CSMD2: variants seen among roughly 807,000 people sequenced by gnomAD.
CSMD2 encodes CUB and Sushi multiple domains 2, also known as CUB and sushi domain-containing protein 2.
CSMD2 carries 130 observed loss-of-function variants against 398.5 expected under a neutral mutation model. The ratio of observed to expected loss-of-function variants is 0.33; its 90% CI spans 0.28 to 0.38. CSMD2 has a LOEUF of 0.38. Ranked by LOEUF, CSMD2 falls within the 10% of genes least tolerant of loss-of-function variation. CSMD2 has a pLI of 1.00. For missense variants in CSMD2, 3,829 were observed against 4,764.9 expected (o/e 0.80, Z 5.78); for synonymous variants, 1,828 against 1,908.5 (o/e 0.96, Z 1.10).
At chr1:33,707,711 A>G (rs866605753) in intron 22 of CSMD2, among the ~76,000 whole-genome samples, 27 of 133,740 alleles carry the variant, frequency 2.0e-4, no homozygotes, top group African/African-American at 7.5e-4. Flanking sequence ...ACACACACAC[A>G]CACACACACA....
chr1:34,137,603 A>T (rs936211266), intron 1 of CSMD2, among the ~76,000 whole-genome samples: 7 of 152,150 alleles, frequency 4.6e-5, no homozygotes, highest in Admixed American at 2.0e-4. Context: ...AGCCCTAGCC[A>T]TGACACCAGC....
intron 2 of CSMD2, among the ~76,000 whole-genome samples, chr1:34,052,010 T>C (rs918098322): frequency 6.6e-6 from 1 of 152,130 alleles, no homozygotes; most frequent in African/African-American, 2.4e-5. Flanking sequence ...GTACTCTCTC[T>C]GACTGTCTTC....
At chr1:34,120,127 T>C (rs1266532590) in intron 1 of CSMD2, among the ~76,000 whole-genome samples, 1 of 152,162 alleles carries the variant, frequency 6.6e-6, no homozygotes, top group East Asian at 1.9e-4. Flanking sequence ...TGCTACAACA[T>C]GAATGAACCT....
At chr1:33,606,154 G>T (rs1336249669) in intron 41 of CSMD2, among the ~76,000 whole-genome samples, 1 of 152,202 alleles carries the variant, frequency 6.6e-6, no homozygotes, top group African/African-American at 2.4e-5. Flanking sequence ...AGTCCATTGG[G>T]GAGAGGCTGC....
At chr1:33,656,058 C>A (rs1035884390) in intron 27 of CSMD2, among the ~76,000 whole-genome samples, 1 of 149,332 alleles carries the variant, frequency 6.7e-6, no homozygotes, top group African/African-American at 2.5e-5. Context: ...TGGGCCTCAA[C>A]AGAATTCCCT....
intron 14 of CSMD2, among the ~76,000 whole-genome samples, chr1:33,741,789 C>G (rs1432048412): frequency 6.6e-6 from 1 of 152,184 alleles, no homozygotes; most frequent in Non-Finnish European, 1.5e-5. Flanking sequence ...CATCAGCTGC[C>G]TCCTCCTCCC....
At chr1:33,592,129 G>T in intron 44 of CSMD2, 1 of 459,868 alleles carries the variant, frequency 2.2e-6, no homozygotes, top group Non-Finnish European at 4.0e-6. Context: ...AGAACCCAAG[G>T]GTGGGTTTGC....
chr1:34,141,263 G>T (rs1048818657), intron 1 of CSMD2, among the ~76,000 whole-genome samples: 1 of 151,434 alleles, frequency 6.6e-6, no homozygotes, highest in African/African-American at 2.4e-5. Context: ...TATTCATCAA[G>T]CCCCTACTAT....
intron 1 of CSMD2, among the ~76,000 whole-genome samples, chr1:34,091,933 C>T (rs187438645): frequency 1.9e-4 from 29 of 152,004 alleles, no homozygotes; most frequent in East Asian, 1.4e-3. Context: ...AAAGAGGAAG[C>T]AAAATTATGG....
intron 3 of CSMD2, among the ~76,000 whole-genome samples, chr1:33,975,982 C>T (rs746498201): frequency 2.0e-4 from 31 of 152,240 alleles, no homozygotes; most frequent in South Asian, 1.0e-3. Context: ...TCCTGACATC[C>T]AAATGCAGGG....
At chr1:33,590,717 C>T (rs992638662) in intron 44 of CSMD2, among the ~76,000 whole-genome samples, 8 of 152,098 alleles carry the variant, frequency 5.3e-5, no homozygotes, top group South Asian at 2.1e-4. Context: ...ACATTCAAGG[C>T]AGACTCTTCC....
chr1:33,924,721 A>G (rs1028740396), intron 4 of CSMD2, among the ~76,000 whole-genome samples: 1 of 152,144 alleles, frequency 6.6e-6, no homozygotes, highest in Non-Finnish European at 1.5e-5. Flanking sequence ...TGCTTTTTTA[A>G]TAATAGCCAT....
intron 13 of CSMD2, among the ~76,000 whole-genome samples, chr1:33,771,608 C>T (rs1044297895): frequency 6.6e-6 from 1 of 151,888 alleles, no homozygotes; most frequent in African/African-American, 2.4e-5. Flanking sequence ...TCAACTCATA[C>T]ACCAAACTCT....
At chr1:33,822,204 G>A (rs1392365172) in intron 7 of CSMD2, among the ~76,000 whole-genome samples, 1 of 152,176 alleles carries the variant, frequency 6.6e-6, no homozygotes, top group African/African-American at 2.4e-5. Context: ...GGCTAGACAT[G>A]AGACAGCAGG....
intron 25 of CSMD2, among the ~76,000 whole-genome samples, chr1:33,676,581 A>C (rs1036189916): frequency 6.6e-6 from 1 of 152,202 alleles, no homozygotes; most frequent in African/African-American, 2.4e-5. Flanking sequence ...GCTACCAATG[A>C]CTTTCTTCAC....
chr1:34,089,321 T>TA lies in CSMD2; in HGVS notation c.188-129dup. 4.7e-6 allele frequency: 4 copies of TA among 846,502 alleles called. No individual in the cohort carries two copies. In the Admixed American group the frequency reaches 8.6e-5, roughly 18 times the overall value. 52.4% of individuals were successfully genotyped at this position (846,502 alleles called of 1,614,324 possible). ...AAGTGCTTCCCATGAGCCAGCCCTGTACTTGGCACCGAGGGAGGTACAAAG... is the reference window on the plus strand; with the variant it reads ...AAGTGCTTCCCATGAGCCAGCCCTGTAACTTGGCACCGAGGGAGGTACAAAG... On this transcript the variant is annotated intron_variant, in intron 1 of 70. Transcript: ENST00000373381.
intron 54 of CSMD2, among the ~76,000 whole-genome samples, chr1:33,558,537 A>G (rs1320787218): frequency 6.6e-6 from 1 of 152,162 alleles, no homozygotes; most frequent in African/African-American, 2.4e-5. Context: ...ACATCTTCAA[A>G]TCCATTATCT....
intron 3 of CSMD2, among the ~76,000 whole-genome samples, chr1:33,964,106 G>A (rs1404508418): frequency 6.6e-6 from 1 of 152,120 alleles, no homozygotes; most frequent in Non-Finnish European, 1.5e-5. Context: ...GTGGGGTTGG[G>A]GATTAGAACA....
At chr1:33,787,312 C>T (rs1319284411) in intron 12 of CSMD2, among the ~76,000 whole-genome samples, 1 of 152,206 alleles carries the variant, frequency 6.6e-6, no homozygotes, top group Non-Finnish European at 1.5e-5. Context: ...TCCTGTGTAC[C>T]TGTACCCAGT....
Sources: gnomAD v4.1 joint callset for allele counts (sites outside exome capture counted in the v4.1 genomes callset) on GRCh38, gnomAD v4.1.1 for gene constraint, MANE v1.5 for transcripts, NCBI Gene and HGNC (gene_info 2026-07-23, HGNC 2026-07-21) for gene names.